Variants in MUC6 observed in about 807,000 individuals in gnomAD.
MUC6 encodes mucin-6.
A neutral mutation model predicts 201.5 loss-of-function variants in MUC6; 188 were observed. The ratio of observed to expected loss-of-function variants is 0.93; its 90% CI spans 0.83 to 1.05. The LOEUF is 1.05. Ranked by LOEUF, MUC6 falls within the 50% of genes least tolerant of loss-of-function variation. The pLI is 0.00. For synonymous variants in MUC6, 1,228 were observed against 1,389.4 expected (o/e 0.88, Z 2.58); for missense variants, 2,706 against 3,256.9 (o/e 0.83, Z 4.12).
intron 22 of MUC6, among the ~76,000 whole-genome samples, 157 bp downstream of exon 22, chr11:1,025,648 T>G (rs116254089): frequency 0.012 from 1,795 of 152,130 alleles, 43 homozygotes; most frequent in African/African-American, 0.041. Flanking sequence ...CCTGAGCGTC[T>G]GGCCAGGGAG....
intron 24 of MUC6, among the ~76,000 whole-genome samples, chr11:1,024,539 C>T (rs923552610): frequency 1.3e-5 from 2 of 152,220 alleles, no homozygotes; most frequent in Non-Finnish European, 2.9e-5. Context: ...GTCTCCCTGA[C>T]CACCAGCTCC....
At chr11:1,019,889 C>A in intron 29 of MUC6, 1 of 752,410 alleles carries the variant, frequency 1.3e-6, no homozygotes, top group South Asian at 1.5e-5. Context: ...AAGGAATGCC[C>A]CATGCCATGA....
intron 22 of MUC6, 131 bp downstream of exon 22, chr11:1,025,674 C>T: frequency 1.1e-6 from 1 of 937,988 alleles, no homozygotes; most frequent in Admixed American, 2.1e-5. Flanking sequence ...GCAGGCACCC[C>T]TCAAGGAGAG....
chr11:1,025,800 C>T lies in MUC6; in HGVS notation c.2799+5G>A. The T allele has an allele frequency of 6.2e-7, 1 of 1,609,706 alleles. No individual in the cohort carries two copies. The highest frequency in any genetic ancestry group is 8.5e-7 in the Non-Finnish European group (1 of 1,178,544). On this transcript the variant is annotated splice_donor_5th_base_variant and intron_variant, in intron 22 of 32. Coordinates refer to ENST00000421673, the MANE Select transcript of MUC6 (RefSeq NM_005961.3). ...TGCCCTGCCAGAGTCTGCCCGGCTG[C>T]TCACCCCCAGGAAGATCTTGATGGC...
At chr11:1,015,630 G>T in intron 31 of MUC6, 132 bp downstream of exon 31, 2 of 1,397,796 alleles carry the variant, frequency 1.4e-6, no homozygotes, top group Non-Finnish European at 1.9e-6. Context: ...TGGCAGGTGT[G>T]TAGGGAAGGC....
chr11:1,032,923 T>C, intron 2 of MUC6, 90 bp downstream of exon 2: 1 of 1,190,968 alleles, frequency 8.4e-7, no homozygotes, highest in East Asian at 2.4e-5. Flanking sequence ...TGTGTGTGTC[T>C]TGGGGGTGAC....
Position 1,024,049 on chromosome 11 carries a change from T to A in MUC6, c.3280A>T (p.Ser1094Cys). 1.4e-5 allele frequency: 23 copies of A among 1,613,128 alleles called. No individual in the cohort carries two copies. Among genetic ancestry groups the A allele is most frequent in the Non-Finnish European group, 1.9e-5 (23 of 1,179,776 alleles). ...ACVRDACGCDSGGDCECLCDA... is the reference protein window; with the variant it reads ...ACVRDACGCDCGGDCECLCDA... ...CACAGACACTCACAGTCCCCGCCACTGTCACACCCACATGCGTCGCGCACG... is the reference window on the plus strand; with the variant it reads ...CACAGACACTCACAGTCCCCGCCACAGTCACACCCACATGCGTCGCGCACG... Residue 1094 changes from serine to cysteine, a missense_variant, in exon 25 of 33, where the codon AGT (serine) becomes TGT (cysteine). By Grantham distance (112) the Ser-to-Cys change is moderately radical. This residue lies in a region of MUC6 where 1,850 missense variants were observed against 1,958.3 expected (regional missense o/e 0.94). Transcript: ENST00000421673.
intron 1 of MUC6, among the ~76,000 whole-genome samples, chr11:1,034,426 G>A (rs142818159): frequency 2.9e-4 from 44 of 152,326 alleles, no homozygotes; most frequent in African/African-American, 1.0e-3. Context: ...GGTCCCAGTA[G>A]GTGTCATGGT....
Position 1,027,949 on chromosome 11 carries a change from G to A in MUC6, c.1848+16C>T, listed in dbSNP as rs7949839. Reference sequence around the variant, plus strand: ...GCCTCCCCTGCAGCCCTCCCAAGACGCCCTCGGGCCCTCACCTTGTAGAAG... The same window carrying A: ...GCCTCCCCTGCAGCCCTCCCAAGACACCCTCGGGCCCTCACCTTGTAGAAG... On this transcript the variant is annotated intron_variant, in intron 15 of 32. Coordinates refer to ENST00000421673, the MANE Select transcript of MUC6 (RefSeq NM_005961.3). The A allele has an allele frequency of 6.9e-3, 10,830 of 1,564,240 alleles. 588 individuals carry two copies. In the African/African-American group the frequency reaches 0.12, roughly 17 times the overall value.
In MUC6 at chr11:1,030,609, G is replaced by T; in HGVS notation, c.856C>A (p.Gln286Lys). Residue 286 changes from glutamine (Q) to lysine (K), a missense_variant, in exon 7 of 33, where the codon CAG becomes AAG. Coordinates refer to ENST00000421673, the MANE Select transcript of MUC6 (RefSeq NM_005961.3). ...GGGCTCCGCCAGCGGCGGACCGGCT[G>T]GCCCACCATGCTGCACTGGCGGGAG... The part of the protein sequence containing the change: ...EYSRQCSMVG[Q>K]PVRRWRSPGL... 6.5e-7 allele frequency: 1 copy of T among 1,533,600 alleles called. No individual in the cohort carries two copies. The highest frequency in any genetic ancestry group is 8.8e-7 in the Non-Finnish European group (1 of 1,139,832). The allele number at this position is 1,533,600 out of a possible 1,614,324, so 95.0% of individuals were successfully genotyped here.
intron 1 of MUC6, among the ~76,000 whole-genome samples, chr11:1,034,187 G>A (rs2133839388): frequency 6.6e-6 from 1 of 151,710 alleles, no homozygotes; most frequent in East Asian, 2.0e-4. Flanking sequence ...GTCTGGCACA[G>A]GCAGGAGGTT....
Position 1,019,352 on chromosome 11 carries a change from G to A in MUC6, c.3953C>T (p.Thr1318Met), listed in dbSNP as rs199861457. Residue 1318 changes from threonine (T) to methionine (M), a missense_variant, in exon 30 of 33, where the codon ACG becomes ATG. This residue lies in a region of MUC6 where 1,850 missense variants were observed against 1,958.3 expected (regional missense o/e 0.94). Transcript: ENST00000421673. ...ATASTASPAT[T>M]STAQSTTRTT... ...CCGTGTTGTGGACTGAGCTGTGGACGTCGTGGCTGGGCTGGCGGTCGACGC... is the reference window on the plus strand; with the variant it reads ...CCGTGTTGTGGACTGAGCTGTGGACATCGTGGCTGGGCTGGCGGTCGACGC... 807 of 1,613,890 alleles carry A rather than the reference G, an allele frequency of 5.0e-4. 1 individual carries two copies. Among genetic ancestry groups the A allele is most frequent in the Non-Finnish European group, 4.5e-4 (533 of 1,179,810 alleles).
At chr11:1,031,127 TAGAGGCCCCCCC>T (rs922628450) in intron 5 of MUC6, 30 bp downstream of exon 5, 34 of 177,268 alleles carry the variant, frequency 1.9e-4, no homozygotes, top group African/African-American at 3.0e-4. Flanking sequence ...GCCCCCCACC[TAGAGGCCCCCCC>T]AGAGGCCCCC....
chr11:1,019,382 G>A lies in MUC6; in HGVS notation c.3923C>T (p.Ala1308Val), dbSNP rs1856758389. ...GGCTGGGCTGGCGGTCGACGCCGTGGCCCTGGTTGTGGCCTGGGTCACTGT... is the reference window on the plus strand; with the variant it reads ...GGCTGGGCTGGCGGTCGACGCCGTGACCCTGGTTGTGGCCTGGGTCACTGT... Reference protein sequence around the residue: ...KPTVTQATTRATASTASPATT... With the variant: ...KPTVTQATTRVTASTASPATT... Residue 1308 changes from alanine (A) to valine (V), a missense_variant, in exon 30 of 33, where the codon GCC becomes GTC. Around this residue, in one of 10 missense-constraint regions of MUC6, gnomAD observed 1,850 missense variants for 1,958.3 expected, o/e 0.94. Coordinates refer to ENST00000421673, the MANE Select transcript of MUC6 (RefSeq NM_005961.3). The A allele has an allele frequency of 6.2e-7, 1 of 1,613,748 alleles. No homozygotes were observed. The highest frequency in any genetic ancestry group is 8.5e-7 in the Non-Finnish European group (1 of 1,179,682).
At chr11:1,013,796 C>A in intron 32 of MUC6, 103 bp downstream of exon 32, 1 of 1,410,784 alleles carries the variant, frequency 7.1e-7, no homozygotes, top group Non-Finnish European at 9.7e-7. Flanking sequence ...AGTGGCTCAC[C>A]TGATGGGGCA....
intron 13 of MUC6, 39 bp from the exon 14 acceptor site, chr11:1,028,426 C>T (rs752866744): frequency 1.2e-6 from 2 of 1,600,776 alleles, no homozygotes; most frequent in Non-Finnish European, 1.7e-6. Flanking sequence ...GAACCCATCC[C>T]TCCTGCACCC....
chr11:1,014,970 G>A (rs1812123928), intron 31 of MUC6, among the ~76,000 whole-genome samples: 1 of 152,262 alleles, frequency 6.6e-6, no homozygotes, highest in African/African-American at 2.4e-5. Context: ...TCAGCTTGCA[G>A]CAACGAGCTG....
Position 1,025,849 on chromosome 11 carries a change from T to A in MUC6, c.2755A>T (p.Asn919Tyr). ...KILTENVICG[N>Y]SGVTCSRAIK... ...GCCCGTGAGCATGTGACCCCGGAGT[T>A]CCCACAGATGACGTTCTCTGTCAGG... Residue 919 changes from asparagine (N) to tyrosine (Y), a missense_variant, in exon 22 of 33, where the codon AAC becomes TAC. Transcript: ENST00000421673. 1 of 1,612,926 alleles carries A rather than the reference T, an allele frequency of 6.2e-7. No homozygotes were observed. The highest frequency in any genetic ancestry group is 8.5e-7 in the Non-Finnish European group (1 of 1,179,756).
chr11:1,033,217 G>T lies in MUC6; in HGVS notation c.53-142C>A. On this transcript the variant is annotated intron_variant, in intron 1 of 32. Coordinates refer to ENST00000421673, the MANE Select transcript of MUC6 (RefSeq NM_005961.3). The surrounding 1 kb of genome is among the most constrained non-coding windows in gnomAD (Gnocchi z 5.6). ...GTGTCCATGGCCCGTGGGGCTCGAG[G>T]CCTCAACAGCAAGCCAAGCGCTTGG... is the stretch of plus-strand genomic sequence containing the variant. 1.3e-6 allele frequency: 1 copy of T among 755,760 alleles called. No homozygotes were observed. The highest frequency in any genetic ancestry group is 2.2e-6 in the Non-Finnish European group (1 of 444,644). 46.8% of individuals were successfully genotyped at this position (755,760 alleles called of 1,614,324 possible). A position where few individuals can be genotyped will look rare whatever the true frequency, so the allele number is the denominator to read the frequency against.
Sources: gnomAD v4.1 joint callset for allele counts (sites outside exome capture counted in the v4.1 genomes callset) on GRCh38, gnomAD v4.1.1 for gene constraint, gnomAD v4.1.1 regional missense constraint, Gnocchi (gnomAD v3.1) non-coding constraint, MANE v1.5 for transcripts, NCBI Gene and HGNC (gene_info 2026-07-23, HGNC 2026-07-21) for gene names.